Variants in DLGAP2 observed in about 807,000 individuals in gnomAD.
The protein encoded by DLGAP2 is DLG associated protein 2.
A neutral mutation model predicts 100.3 loss-of-function variants in DLGAP2; 26 were observed. The observed-to-expected ratio is 0.26, with a 90% confidence interval of 0.19 to 0.36. The LOEUF is 0.36. DLGAP2 is among the 10% of genes least tolerant of loss of function. DLGAP2 has a pLI of 1.00. For missense variants in DLGAP2, 1,858 were observed against 1,453.2 expected, an observed-to-expected ratio of 1.28 and a Z score of -4.53; for synonymous variants, 886 against 630.1, an observed-to-expected ratio of 1.41 and a Z score of -6.08.
At chr8:1,024,298 T>C (rs372100304) in intron 2 of DLGAP2, among the ~76,000 whole-genome samples, 27 of 119,750 alleles carry the variant, frequency 2.3e-4, no homozygotes, top group East Asian at 1.2e-3. Context: ...GGGTGGACAG[T>C]CCCGTGCCGA....
chr8:1,695,258 G>A (rs1014983885), intron 13 of DLGAP2, among the ~76,000 whole-genome samples: 1 of 151,120 alleles, frequency 6.6e-6, no homozygotes, highest in African/African-American at 2.4e-5. Context: ...GAAACAGGGG[G>A]CACAGCCATG....
intron 3 of DLGAP2, among the ~76,000 whole-genome samples, chr8:1,303,417 A>G (rs1349732519): frequency 6.7e-6 from 1 of 148,640 alleles, no homozygotes; most frequent in African/African-American, 2.6e-5. Context: ...AAAAAAAAAA[A>G]AAAAAAAAAA....
chr8:1,519,596 C>G (rs1006679280), intron 4 of DLGAP2, among the ~76,000 whole-genome samples: 1 of 152,262 alleles, frequency 6.6e-6, no homozygotes, highest in Non-Finnish European at 1.5e-5. Flanking sequence ...GACCCTGAGC[C>G]TGGCTCTCCC....
At chr8:1,358,348 A>G (rs903084405) in intron 3 of DLGAP2, among the ~76,000 whole-genome samples, 4 of 152,208 alleles carry the variant, frequency 2.6e-5, no homozygotes, top group African/African-American at 9.6e-5. Flanking sequence ...AGATTACGGG[A>G]AAAAGGCAGG....
chr8:1,696,987 C>A (rs922862106), intron 13 of DLGAP2, among the ~76,000 whole-genome samples, 160 bp from the exon 14 acceptor site: 2 of 152,240 alleles, frequency 1.3e-5, no homozygotes, highest in South Asian at 4.1e-4. Context: ...AGTAAACTGT[C>A]ATGGAAGCAT....
At chr8:1,311,386 C>CA (rs1454259436) in intron 3 of DLGAP2, among the ~76,000 whole-genome samples, 3 of 152,050 alleles carry the variant, frequency 2.0e-5, no homozygotes, top group Non-Finnish European at 2.9e-5. Flanking sequence ...CAGACCCTTC[C>CA]AAAAAAATAG....
At chr8:965,168 C>A (rs1799821291) in intron 2 of DLGAP2, among the ~76,000 whole-genome samples, 1 of 149,146 alleles carries the variant, frequency 6.7e-6, no homozygotes, top group Admixed American at 6.6e-5. Flanking sequence ...TGAGTCTGAC[C>A]CCTGCGCTGC....
At chr8:1,268,529 A>G (rs989319701) in intron 3 of DLGAP2, among the ~76,000 whole-genome samples, 1 of 152,216 alleles carries the variant, frequency 6.6e-6, no homozygotes, top group Non-Finnish European at 1.5e-5. Context: ...CTTTGTTTTA[A>G]AATGAGAACA....
rs867834902 is a variant in DLGAP2 at position 804,257 on chromosome 8, T to C, written c.18+66432T>C. Among the ~76,000 whole-genome samples, 5 of 152,356 alleles carry C rather than the reference T, an allele frequency of 3.3e-5. No individual in the cohort carries two copies. In the South Asian group the frequency reaches 6.2e-4, roughly 19 times the overall value. On this transcript the variant is annotated intron_variant, in intron 1 of 14. Coordinates refer to ENST00000637795, the MANE Select transcript of DLGAP2 (RefSeq NM_001346810.2). ...GAAGTCTATTTTAGTCCAATGATTC[T>C]GGGGTTTTTAAGGAGACTGTTTTCG... is the stretch of plus-strand genomic sequence containing the variant.
chr8:1,296,409 A>G lies in DLGAP2; in HGVS notation c.106+37526A>G, dbSNP rs553041284. Among the ~76,000 whole-genome samples the G allele has an allele frequency of 9.2e-5, 14 of 152,260 alleles. No homozygotes were observed. The South Asian group carries it at 2.5e-3, about 27-fold the overall frequency. On this transcript the variant is annotated intron_variant, in intron 3 of 14. Transcript: ENST00000637795. Reference sequence around the variant, plus strand: ...GTGCCTTGTAACTTCCAAAAACAAAATATGTCATGATTATCCAGATCCAAG... The same window carrying G: ...GTGCCTTGTAACTTCCAAAAACAAAGTATGTCATGATTATCCAGATCCAAG...
chr8:1,281,610 T>C (rs188210519), intron 3 of DLGAP2, among the ~76,000 whole-genome samples: 18 of 152,316 alleles, frequency 1.2e-4, no homozygotes, highest in Admixed American at 8.5e-4. Context: ...CTCATTCTCA[T>C]TGGGGAGCTG....
intron 2 of DLGAP2, among the ~76,000 whole-genome samples, chr8:1,045,912 C>A (rs1802501144): frequency 6.6e-6 from 1 of 152,110 alleles, no homozygotes; most frequent in Non-Finnish European, 1.5e-5. Context: ...CCCAGACCTG[C>A]CGTTTGTAAT....
chr8:978,663 T>G (rs1800237090), intron 2 of DLGAP2, among the ~76,000 whole-genome samples: 2 of 151,710 alleles, frequency 1.3e-5, no homozygotes, highest in Non-Finnish European at 2.9e-5. Flanking sequence ...GGTTCTGGTC[T>G]TTGGTGTTGT....
intron 1 of DLGAP2, among the ~76,000 whole-genome samples, chr8:878,620 T>G (rs1797727424): frequency 6.6e-6 from 1 of 152,132 alleles, no homozygotes; most frequent in Admixed American, 6.5e-5. Flanking sequence ...GTCCCCAGTG[T>G]AATGGTGTTG....
chr8:938,090 G>A lies in DLGAP2; in HGVS notation c.73+30124G>A, dbSNP rs537852067. Among the ~76,000 whole-genome samples the A allele has an allele frequency of 7.2e-5, 11 of 152,278 alleles. No homozygotes were observed. The East Asian group carries it at 1.7e-3, about 24-fold the overall frequency. ...CACTGTGAAAGAGGAGGGGTGCTGC[G>A]CTTCCTGACTTAGGACATCAAACGT... is the stretch of plus-strand genomic sequence containing the variant. On this transcript the variant is annotated intron_variant, in intron 2 of 14. Transcript: ENST00000637795.
At chr8:1,282,525 CCCA>C (rs1799838283) in intron 3 of DLGAP2, among the ~76,000 whole-genome samples, 7 of 129,434 alleles carry the variant, frequency 5.4e-5, no homozygotes, top group African/African-American at 1.2e-4. Flanking sequence ...GTGACCTGAA[CCCA>C]GCACCCTGAA....
chr8:1,119,278 CATAAT>C (rs1478130731), intron 2 of DLGAP2, among the ~76,000 whole-genome samples: 1 of 152,114 alleles, frequency 6.6e-6, no homozygotes, highest in African/African-American at 2.4e-5. Context: ...CAGCCTTTGA[CATAAT>C]ATAAGCTTGT....
intron 2 of DLGAP2, among the ~76,000 whole-genome samples, chr8:1,116,321 C>T (rs555156556): frequency 2.0e-5 from 3 of 152,350 alleles, no homozygotes; most frequent in East Asian, 1.9e-4. Flanking sequence ...GTCTCAGCCA[C>T]AGCCTGGACG....
At chr8:1,686,253 T>C (rs773945307) in intron 12 of DLGAP2, among the ~76,000 whole-genome samples, 1 of 152,338 alleles carries the variant, frequency 6.6e-6, no homozygotes, top group Admixed American at 6.5e-5. Flanking sequence ...TGGAATATTA[T>C]TCAGCCATAA....
Sources: gnomAD v4.1 joint callset for allele counts (sites outside exome capture counted in the v4.1 genomes callset) on GRCh38, gnomAD v4.1.1 for gene constraint, MANE v1.5 for transcripts, NCBI Gene and HGNC (gene_info 2026-07-23, HGNC 2026-07-21) for gene names.